Variants in CCDC171 observed in about 807,000 individuals in gnomAD.
CCDC171 encodes coiled-coil domain containing 171.
Under a neutral mutation model 168.2 loss-of-function variants are expected in CCDC171, and 177 were observed. The ratio of observed to expected loss-of-function variants is 1.05; its 90% CI spans 0.93 to 1.19. The LOEUF is 1.19. Ranked by LOEUF, CCDC171 falls within the 50% of genes most tolerant of loss-of-function variation. The pLI is 0.00. For missense variants in CCDC171, 1,991 were observed against 1,539.0 expected (o/e 1.29, Z -4.91); for synonymous variants, 687 against 540.8 (o/e 1.27, Z -3.75).
the CCDC171 span, among the ~76,000 whole-genome samples, chr9:16,088,897 A>G: frequency 6.6e-6 from 1 of 152,130 alleles, no homozygotes; most frequent in South Asian, 2.1e-4. Context: ...GAGCCCGTAT[A>G]GCCAAGACAA....
At chr9:16,046,488 T>C (rs886312377) in intron 1 of CCDC171, among the ~76,000 whole-genome samples, 1 of 152,190 alleles carries the variant, frequency 6.6e-6, no homozygotes, top group Non-Finnish European at 1.5e-5. Context: ...AGTGGACATA[T>C]TTTTCCCTCA....
chr9:15,727,786 A>T, intron 14 of CCDC171, 83 bp from the exon 15 acceptor site: 1 of 1,029,030 alleles, frequency 9.7e-7, no homozygotes, highest in Non-Finnish European at 1.3e-6. Context: ...TTTTTAAATT[A>T]ACTCTTCACC....
chr9:15,796,271 G>C (rs1383350584), intron 21 of CCDC171, among the ~76,000 whole-genome samples: 1 of 151,340 alleles, frequency 6.6e-6, no homozygotes, highest in Non-Finnish European at 1.5e-5. Flanking sequence ...AGAAAGCTGA[G>C]GAAATAACAC....
At position 15,693,815 on chromosome 9, in the gene CCDC171, C is replaced by G. The variant is rs560735244; in HGVS notation, c.1216-1420C>G. On this transcript the variant is annotated intron_variant, in intron 10 of 25. Coordinates refer to ENST00000380701, the MANE Select transcript of CCDC171 (RefSeq NM_173550.4). ...TCTCATATATTAAATAAAAACAAAA[C>G]TCTTCTCTGACCCTTCCCTCCTTTC... 3.6e-4 allele frequency among the ~76,000 whole-genome samples: 55 copies of G among 152,190 alleles called. 1 individual carries two copies. The highest frequency in any genetic ancestry group is 6.8e-4 in the Non-Finnish European group (46 of 67,988).
At chr9:16,040,202 C>A (rs1833550349), upstream of CCDC171, among the ~76,000 whole-genome samples, 1 of 152,196 alleles carries the variant, frequency 6.6e-6, no homozygotes, top group African/African-American at 2.4e-5. Flanking sequence ...GAGCCACAGG[C>A]ATCGTGTTGG....
chr9:15,822,628 C>T (rs555320230), intron 21 of CCDC171, among the ~76,000 whole-genome samples: 1 of 152,284 alleles, frequency 6.6e-6, no homozygotes, highest in Admixed American at 6.5e-5. Flanking sequence ...ATCAAAACCA[C>T]AGTGAGATAC....
the CCDC171 span, among the ~76,000 whole-genome samples, chr9:16,094,876 G>T: frequency 6.6e-6 from 1 of 152,192 alleles, no homozygotes; most frequent in Non-Finnish European, 1.5e-5. Flanking sequence ...AGTGTTGAAA[G>T]AGGGGCCTGA....
At chr9:15,779,963 C>G (rs912642817) in intron 20 of CCDC171, among the ~76,000 whole-genome samples, 2 of 152,132 alleles carry the variant, frequency 1.3e-5, no homozygotes, top group Non-Finnish European at 2.9e-5. Context: ...TAAAAGATTA[C>G]CCTGAAACTT....
chr9:15,727,692 A>T (rs938040024), intron 14 of CCDC171, among the ~76,000 whole-genome samples, 177 bp from the exon 15 acceptor site: 1 of 152,126 alleles, frequency 6.6e-6, no homozygotes, highest in Non-Finnish European at 1.5e-5. Context: ...GCAATTCCAA[A>T]TGTTTTATCT....
intron 25 of CCDC171, among the ~76,000 whole-genome samples, chr9:15,960,968 C>T (rs769081804): frequency 6.6e-6 from 1 of 151,608 alleles, no homozygotes; most frequent in Admixed American, 6.6e-5. Flanking sequence ...TATAATGGAA[C>T]AATGAAGGAG....
At chr9:15,858,340 G>A (rs6474979) in intron 23 of CCDC171, among the ~76,000 whole-genome samples, 130,540 of 152,084 alleles carry the variant, frequency 0.86, 56,143 homozygotes, top group East Asian at 0.99. Context: ...GTATTTTGAA[G>A]TCAGAAAGTG....
chr9:15,842,243 A>C (rs907472968), intron 21 of CCDC171, among the ~76,000 whole-genome samples: 15 of 152,132 alleles, frequency 9.9e-5, no homozygotes, highest in African/African-American at 3.6e-4. Flanking sequence ...AAATCTATAA[A>C]AGCAATATCC....
At chr9:16,005,958 C>G (rs1308624582) in intron 3 of CCDC171, among the ~76,000 whole-genome samples, 1 of 151,958 alleles carries the variant, frequency 6.6e-6, no homozygotes, top group Non-Finnish European at 1.5e-5. Flanking sequence ...CTCCTGGGTT[C>G]AAGTGATTCT....
At chr9:15,603,185 C>T (rs544446757) in intron 6 of CCDC171, among the ~76,000 whole-genome samples, 4 of 152,074 alleles carry the variant, frequency 2.6e-5, no homozygotes, top group South Asian at 4.2e-4. Flanking sequence ...AGGGTTTCAC[C>T]GTGTTAGCCA....
chr9:15,612,646 T>G (rs888390485), intron 6 of CCDC171, among the ~76,000 whole-genome samples: 9 of 151,688 alleles, frequency 5.9e-5, no homozygotes, highest in African/African-American at 2.2e-4. Flanking sequence ...GTTTTGACTA[T>G]TTTCTTGGTT....
At chr9:15,983,737 G>T (rs1272252982) in intron 3 of CCDC171, among the ~76,000 whole-genome samples, 1 of 150,204 alleles carries the variant, frequency 6.7e-6, no homozygotes, top group Non-Finnish European at 1.5e-5. Flanking sequence ...GTGATTGCCT[G>T]CAATGAGAAT....
intron 7 of CCDC171, 77 bp from the exon 8 acceptor site, chr9:15,657,050 A>T (rs1347662262): frequency 2.9e-6 from 2 of 692,448 alleles, no homozygotes; most frequent in Non-Finnish European, 2.3e-6. Context: ...AGTGTTAATT[A>T]TAATGCTGGA....
chr9:15,763,020 T>TTC (rs1312232589), intron 18 of CCDC171, among the ~76,000 whole-genome samples: 1 of 152,176 alleles, frequency 6.6e-6, no homozygotes, highest in Non-Finnish European at 1.5e-5. Flanking sequence ...TGGCTACAAA[T>TTC]TCGTGGTCCA....
exon 8 of CCDC171, chr9:16,036,150 A>G (rs1361899765): frequency 6.6e-6 from 1 of 152,228 alleles, no homozygotes; most frequent in East Asian, 1.9e-4. Flanking sequence ...CCTAAGTACT[A>G]TGAGACCTTG....
Sources: gnomAD v4.1 joint callset for allele counts (sites outside exome capture counted in the v4.1 genomes callset) on GRCh38, gnomAD v4.1.1 for gene constraint, MANE v1.5 for transcripts, NCBI Gene and HGNC (gene_info 2026-07-23, HGNC 2026-07-21) for gene names.